The following NT5DC4 variants were observed in gnomAD, a reference collection of about 807,000 sequenced individuals.
The protein encoded by NT5DC4 is 5'-nucleotidase domain containing 4.
NT5DC4 carries 44 observed loss-of-function variants against 26.6 expected under a neutral mutation model. That is an observed-to-expected ratio of 1.65 (90% CI 1.30 to 2.13). NT5DC4 has a LOEUF of 2.13. NT5DC4 is among the 30% of genes most tolerant of loss of function. The pLI, the probability that NT5DC4 is intolerant of heterozygous loss-of-function variation, is 0.00. For synonymous variants in NT5DC4, 157 were observed against 86.7 expected, an observed-to-expected ratio of 1.81 and a Z score of -4.51; for missense variants, 399 against 228.1, an observed-to-expected ratio of 1.75 and a Z score of -4.83.
intron 9 of NT5DC4, 36 bp downstream of exon 9, chr2:112,723,838 C>T (rs904754342): frequency 3.6e-5 from 26 of 715,882 alleles, no homozygotes; most frequent in Admixed American, 3.4e-4. Context: ...CCGTCGGCCT[C>T]CTTCCTGGCC....
At chr2:112,731,602 T>C (rs949115208) in intron 16 of NT5DC4, 2 of 152,204 alleles carry the variant, frequency 1.3e-5, no homozygotes, top group Non-Finnish European at 2.9e-5. Flanking sequence ...TAAAAAGTCA[T>C]ACTCATGATT....
intron 10 of NT5DC4, chr2:112,724,453 C>T (rs1677411149): frequency 1.8e-6 from 1 of 570,918 alleles, no homozygotes. Context: ...TGGGAGTGAC[C>T]AGGTGTCACT....
chr2:112,738,725 T>C, intron 16 of NT5DC4, 188 bp from the exon 17 acceptor site: 1 of 764,352 alleles, frequency 1.3e-6, no homozygotes, highest in Non-Finnish European at 2.2e-6. Flanking sequence ...ATAATCTGCA[T>C]CCATGATGCC....
intron 3 of NT5DC4, 36 bp from the exon 4 acceptor site, chr2:112,722,147 C>A: frequency 1.5e-6 from 1 of 675,752 alleles, no homozygotes; most frequent in East Asian, 2.8e-5. Context: ...GCCTTGGTAC[C>A]CCCACCCACA....
At chr2:112,733,603 G>C (rs115160576) in intron 16 of NT5DC4, among the ~76,000 whole-genome samples, 2,893 of 152,346 alleles carry the variant, frequency 0.019, 91 homozygotes, top group African/African-American at 0.066. Context: ...TTGGCCACAT[G>C]GACGAGGCTG....
intron 1 of NT5DC4, 73 bp from the exon 2 acceptor site, chr2:112,721,745 C>A (rs1484446537): frequency 1.8e-5 from 13 of 716,650 alleles, no homozygotes; most frequent in Non-Finnish European, 3.1e-5. Context: ...GGGGTTTCCA[C>A]CCCCTCTGTC....
intron 7 of NT5DC4, 40 bp downstream of exon 7, chr2:112,723,214 C>T (rs1677174307): frequency 1.4e-6 from 1 of 717,128 alleles, no homozygotes; most frequent in African/African-American, 1.7e-5. Context: ...CCTGACCTGT[C>T]TGCTCTTGGT....
At chr2:112,721,653 G>T in intron 1 of NT5DC4, 165 bp from the exon 2 acceptor site, 1 of 716,286 alleles carries the variant, frequency 1.4e-6, no homozygotes, top group South Asian at 1.5e-5. Context: ...GACACACATG[G>T]GTCCAGGCAG....
chr2:112,719,840 TTCCCTCCC>T (rs200570715), upstream of NT5DC4, among the ~76,000 whole-genome samples: 70 of 78,420 alleles, frequency 8.9e-4, no homozygotes, highest in African/African-American at 2.5e-3. Context: ...CCTTCCTTCC[TTCCCTCCC>T]TCCCTCCCTC....
rs1318595903 is a variant in NT5DC4 at position 112,725,431 on chromosome 2, C to T, written c.1032C>T (p.Ile344=). Residue 344 remains isoleucine, a synonymous_variant, in exon 13 of 17, where the codon ATC becomes ATT. Coordinates refer to ENST00000688554, the MANE Select transcript of NT5DC4 (RefSeq NM_001393655.1). ...TGCTTGGGGTTCGGGGGATGGACATCCTGTACATTGGGGACCACATTTTTG... is the reference window on the plus strand; with the variant it reads ...TGCTTGGGGTTCGGGGGATGGACATTCTGTACATTGGGGACCACATTTTTG... The part of the protein sequence containing the change: ...CELLGVRGMD[I]LYIGDHIFGD... The T allele has an allele frequency of 2.8e-6, 2 of 716,900 alleles. No homozygotes were observed. The highest frequency in any genetic ancestry group is 5.2e-6 in the Non-Finnish European group (2 of 384,744). 44.4% of individuals were successfully genotyped at this position (716,900 alleles called of 1,614,324 possible). A position where few individuals can be genotyped will look rare whatever the true frequency, so the allele number is the denominator to read the frequency against.
chr2:112,727,856 G>A (rs1417842578), intron 15 of NT5DC4, among the ~76,000 whole-genome samples: 1 of 152,152 alleles, frequency 6.6e-6, no homozygotes. Context: ...GTTCCGCTGC[G>A]GTTTCCGCCA....
At chr2:112,722,660 T>C in intron 5 of NT5DC4, 54 bp from the exon 6 acceptor site, 1 of 717,416 alleles carries the variant, frequency 1.4e-6, no homozygotes, top group Non-Finnish European at 2.6e-6. Flanking sequence ...TCTGTCCTGG[T>C]GGAGAACTGT....
rs1469028793 is a variant in NT5DC4, at chr2:112,725,376, G to A, written c.983-6G>A. The A allele has an allele frequency of 2.9e-6, 2 of 699,088 alleles. No individual in the cohort carries two copies. The highest frequency in any genetic ancestry group is 5.4e-6 in the Non-Finnish European group (2 of 370,624). The allele number at this position is 699,088 out of a possible 1,614,324, so 43.3% of individuals were successfully genotyped here. ...ACGAGTGTCTGTCCTCCCCTTGGTG[G>A]GGCAGGCTCTTCGGACATGGTGTGC... On this transcript the variant is annotated splice_region_variant and splice_polypyrimidine_tract_variant and intron_variant, in intron 12 of 16. Coordinates refer to ENST00000688554, the MANE Select transcript of NT5DC4 (RefSeq NM_001393655.1).
At chr2:112,732,334 GTAAAT>G (rs2104789719) in intron 16 of NT5DC4, among the ~76,000 whole-genome samples, 1 of 152,192 alleles carries the variant, frequency 6.6e-6, no homozygotes, top group African/African-American at 2.4e-5. Flanking sequence ...AGGTTCTCCA[GTAAAT>G]CCCAGGTCTC....
chr2:112,725,516 C>G lies in NT5DC4; in HGVS notation c.1117C>G (p.Leu373Val). ...GCGGACTTGCCTGGTGGTTCCTGAG[C>G]TGTCCTGGGAGCTGGACATCTGGGC... ...GWRTCLVVPE[L>V]SWELDIWAQE... Residue 373 changes from leucine (L) to valine (V), a missense_variant, in exon 13 of 17, where the codon CTG becomes GTG. Leu to Val is a conservative substitution (Grantham distance 32). Coordinates refer to ENST00000688554, the MANE Select transcript of NT5DC4 (RefSeq NM_001393655.1). 1.4e-6 allele frequency: 1 copy of G among 716,368 alleles called. No homozygotes were observed. Among genetic ancestry groups the G allele is most frequent in the Non-Finnish European group, 2.6e-6 (1 of 384,538 alleles). 44.4% of individuals were successfully genotyped at this position (716,368 alleles called of 1,614,324 possible). A position where few individuals can be genotyped will look rare whatever the true frequency, so the allele number is the denominator to read the frequency against.
At chr2:112,729,795 A>G (rs1678263844) in intron 16 of NT5DC4, 91 bp downstream of exon 16, 13 of 698,898 alleles carry the variant, frequency 1.9e-5, no homozygotes, top group Non-Finnish European at 2.4e-5. Context: ...CCCAGGACGC[A>G]TGAGGCAATT....
At chr2:112,724,175 G>A (rs965302556) in intron 10 of NT5DC4, 49 bp downstream of exon 10, 1 of 716,404 alleles carries the variant, frequency 1.4e-6, no homozygotes, top group Non-Finnish European at 2.6e-6. Context: ...TGTGCAAAGG[G>A]CCAGGGTGCC....
intron 16 of NT5DC4, among the ~76,000 whole-genome samples, chr2:112,730,254 G>A (rs974503464): frequency 1.8e-4 from 26 of 145,594 alleles, no homozygotes; most frequent in Non-Finnish European, 6.0e-5. Flanking sequence ...CGGAGGTTGC[G>A]GTGAGCTGAG....
chr2:112,731,170 T>C (rs1158031132), intron 16 of NT5DC4: 1 of 151,844 alleles, frequency 6.6e-6, no homozygotes, highest in Non-Finnish European at 1.5e-5. Flanking sequence ...GGCCATCTTC[T>C]ACTTGAGATA....
Sources: allele counts gnomAD v4.1 joint callset (sites outside exome capture counted in the v4.1 genomes callset), GRCh38; gene constraint gnomAD v4.1.1; transcripts MANE v1.5; gene names NCBI Gene and HGNC (gene_info 2026-07-23, HGNC 2026-07-21).